Variants in KCNJ3 observed in about 807,000 individuals in gnomAD.
The protein encoded by KCNJ3 is G protein-activated inward rectifier potassium channel 1.
KCNJ3 carries 4 observed loss-of-function variants against 39.2 expected under a neutral mutation model. The observed-to-expected ratio is 0.10, with a 90% CI of 0.05 to 0.23. KCNJ3 has a LOEUF of 0.23. Among genes scored for constraint, KCNJ3 ranks in the 10% least tolerant of loss-of-function variants. The probability of loss-of-function intolerance (pLI) is 1.00; values close to 1 mark genes in which losing one functional copy is unlikely to be tolerated. For missense variants in KCNJ3, 276 were observed against 634.9 expected, an observed-to-expected ratio of 0.43 and a Z score of 6.08; for synonymous variants, 230 against 237.4, an observed-to-expected ratio of 0.97 and a Z score of 0.29.
chr2:154,799,521 A>C (rs1196700799), intron 2 of KCNJ3, among the ~76,000 whole-genome samples: 1 of 152,166 alleles, frequency 6.6e-6, no homozygotes, highest in Non-Finnish European at 1.5e-5. Flanking sequence ...TCAATGGTCT[A>C]ATCAACTCCA....
intron 1 of KCNJ3, among the ~76,000 whole-genome samples, chr2:154,701,660 C>T (rs1684898754): frequency 6.6e-6 from 1 of 152,024 alleles, no homozygotes; most frequent in Admixed American, 6.5e-5. Context: ...GCTATATTAA[C>T]ACAAGGTGAT....
At chr2:154,758,662 C>A (rs539788522) in intron 2 of KCNJ3, among the ~76,000 whole-genome samples, 75 of 152,254 alleles carry the variant, frequency 4.9e-4, no homozygotes, top group African/African-American at 1.8e-3. Flanking sequence ...CCCCATGGAT[C>A]CCCAATAAAA....
At chr2:154,704,745 A>G (rs1169167367) in intron 1 of KCNJ3, among the ~76,000 whole-genome samples, 1 of 152,182 alleles carries the variant, frequency 6.6e-6, no homozygotes, top group Non-Finnish European at 1.5e-5. Context: ...GCTTTGGGTC[A>G]CAAGGTACTT....
intron 2 of KCNJ3, among the ~76,000 whole-genome samples, chr2:154,844,223 A>G (rs934204483): frequency 6.6e-6 from 1 of 152,052 alleles, no homozygotes; most frequent in Non-Finnish European, 1.5e-5. Context: ...GGTTTGTTGG[A>G]GATTGCTGGA....
intron 2 of KCNJ3, among the ~76,000 whole-genome samples, chr2:154,732,732 T>C (rs746247942): frequency 2.0e-5 from 3 of 152,168 alleles, no homozygotes; most frequent in Non-Finnish European, 2.9e-5. Flanking sequence ...CTATCTTCTT[T>C]GCGTTGTTTT....
chr2:154,740,490 T>G (rs991085077), intron 2 of KCNJ3, among the ~76,000 whole-genome samples: 1 of 151,984 alleles, frequency 6.6e-6, no homozygotes, highest in East Asian at 1.9e-4. Context: ...GACTGTTGCC[T>G]TTTTAGAGAG....
chr2:154,788,315 T>C (rs184856461), intron 2 of KCNJ3, among the ~76,000 whole-genome samples: 9 of 152,276 alleles, frequency 5.9e-5, no homozygotes, highest in African/African-American at 2.2e-4. Flanking sequence ...TTGCAAATTA[T>C]TGTATTCAGC....
intron 2 of KCNJ3, among the ~76,000 whole-genome samples, chr2:154,727,684 A>G (rs1009661205): frequency 6.6e-6 from 1 of 151,720 alleles, no homozygotes; most frequent in Admixed American, 6.6e-5. Flanking sequence ...CATAGGTTCA[A>G]TATGATTTCT....
chr2:154,801,445 TC>T (rs908396927), intron 2 of KCNJ3, among the ~76,000 whole-genome samples: 3 of 152,156 alleles, frequency 2.0e-5, no homozygotes, highest in African/African-American at 7.2e-5. Flanking sequence ...CCTCATTTTT[TC>T]CAAGGGCCTG....
chr2:154,712,488 A>T (rs1685114640), intron 2 of KCNJ3, among the ~76,000 whole-genome samples: 1 of 152,216 alleles, frequency 6.6e-6, no homozygotes, highest in Admixed American at 6.5e-5. Context: ...TTTAACATTA[A>T]AAAACAGCTT....
Position 154,719,507 on chromosome 2 carries a change from A to G in KCNJ3, c.919+9688A>G, listed in dbSNP as rs369829686. The stretch of plus-strand genomic sequence containing the variant: ...TTACCATAACCAAGAACAAGATGTG[A>G]TATTTATTGTGGAACATTGTGTGAA... On this transcript the variant is annotated intron_variant, in intron 2 of 2. Transcript: ENST00000295101. 4.6e-5 allele frequency among the ~76,000 whole-genome samples: 7 copies of G among 152,276 alleles called. No individual in the cohort carries two copies. The East Asian group carries it at 1.3e-3, about 29-fold the overall frequency.
chr2:154,827,689 T>C (rs1247753569), intron 2 of KCNJ3, among the ~76,000 whole-genome samples: 2 of 140,046 alleles, frequency 1.4e-5, no homozygotes, highest in Admixed American at 1.5e-4. Flanking sequence ...AGGTGCTTTC[T>C]ATAAATGTTC....
chr2:154,826,107 G>A (rs1183759284), intron 2 of KCNJ3, among the ~76,000 whole-genome samples: 1 of 152,018 alleles, frequency 6.6e-6, no homozygotes, highest in Non-Finnish European at 1.5e-5. Context: ...TTAACTTAGA[G>A]GGAAGAATAA....
At chr2:154,800,464 A>G (rs934634684) in intron 2 of KCNJ3, among the ~76,000 whole-genome samples, 3 of 152,114 alleles carry the variant, frequency 2.0e-5, no homozygotes, top group Non-Finnish European at 4.4e-5. Flanking sequence ...TTTCTCCCAC[A>G]CCTATCACAT....
chr2:154,798,713 T>C (rs1383440583), intron 2 of KCNJ3, among the ~76,000 whole-genome samples: 1 of 152,212 alleles, frequency 6.6e-6, no homozygotes, highest in Non-Finnish European at 1.5e-5. Context: ...GTAATGGGAT[T>C]ATTACCTTAG....
chr2:154,804,342 T>C (rs1282358106), intron 2 of KCNJ3, among the ~76,000 whole-genome samples: 1 of 152,178 alleles, frequency 6.6e-6, no homozygotes, highest in East Asian at 1.9e-4. Flanking sequence ...AGTGAAAAAG[T>C]AGTTAAACAT....
At chr2:154,778,243 A>T (rs548159530) in intron 2 of KCNJ3, among the ~76,000 whole-genome samples, 7 of 152,274 alleles carry the variant, frequency 4.6e-5, no homozygotes, top group African/African-American at 1.4e-4. Context: ...TTGAAAAAAA[A>T]ATTTCTGAAA....
At chr2:154,765,984 C>G (rs1686126856) in intron 2 of KCNJ3, among the ~76,000 whole-genome samples, 1 of 152,068 alleles carries the variant, frequency 6.6e-6, no homozygotes, top group Non-Finnish European at 1.5e-5. Context: ...CAAACAGTTG[C>G]ACACACGCCA....
chr2:154,787,027 T>C (rs772215842), intron 2 of KCNJ3, among the ~76,000 whole-genome samples: 1 of 152,164 alleles, frequency 6.6e-6, no homozygotes, highest in South Asian at 2.1e-4. Context: ...TGATAACGGT[T>C]GGCTTATTTG....
Sources: gnomAD v4.1 joint callset for allele counts (sites outside exome capture counted in the v4.1 genomes callset) on GRCh38, gnomAD v4.1.1 for gene constraint, MANE v1.5 for transcripts, NCBI Gene and HGNC (gene_info 2026-07-23, HGNC 2026-07-21) for gene names.